The following CACNA1C variants were observed in gnomAD, a reference collection of about 807,000 sequenced individuals.
CACNA1C encodes voltage-dependent L-type calcium channel subunit alpha-1C.
Under a neutral mutation model 229.0 loss-of-function variants are expected in CACNA1C, and 30 were observed. That is an observed-to-expected ratio of 0.13 (90% confidence interval 0.10 to 0.18). The LOEUF is 0.18. Among genes scored for constraint, CACNA1C ranks in the 10% least tolerant of loss-of-function variants. The pLI is 1.00. For synonymous variants in CACNA1C, 1,114 were observed against 1,132.5 expected (o/e 0.98, Z 0.33); for missense variants, 1,658 against 2,845.0 (o/e 0.58, Z 9.49).
At chr12:2,292,573 C>T (rs1029425770) in intron 3 of CACNA1C, among the ~76,000 whole-genome samples, 1 of 152,200 alleles carries the variant, frequency 6.6e-6, no homozygotes, top group African/African-American at 2.4e-5. Flanking sequence ...TCAAACCTCT[C>T]TACAGCTTCA....
At chr12:2,259,962 G>A (rs1432031068) in intron 3 of CACNA1C, among the ~76,000 whole-genome samples, 1 of 152,042 alleles carries the variant, frequency 6.6e-6, no homozygotes, top group Non-Finnish European at 1.5e-5. Flanking sequence ...CCGCTTTCTT[G>A]GGTGTTCTCA....
At chr12:2,321,848 T>C (rs766405329) in intron 3 of CACNA1C, among the ~76,000 whole-genome samples, 7 of 152,182 alleles carry the variant, frequency 4.6e-5, no homozygotes, top group Non-Finnish European at 8.8e-5. Flanking sequence ...GATTATGTTG[T>C]GATGGCAACT....
chr12:2,583,727 A>G (rs1398255577), intron 15 of CACNA1C, among the ~76,000 whole-genome samples: 3 of 152,220 alleles, frequency 2.0e-5, no homozygotes, highest in African/African-American at 7.2e-5. Context: ...AACCTACTAC[A>G]TAAAGGGTCG....
intron 1 of CACNA1C, among the ~76,000 whole-genome samples, chr12:2,005,676 G>T (rs1033081479): frequency 6.6e-6 from 1 of 152,114 alleles, no homozygotes; most frequent in Non-Finnish European, 1.5e-5. Flanking sequence ...CTTGTATAAT[G>T]GAAAGTGTCA....
chr12:2,667,429 G>T (rs2096262937), intron 37 of CACNA1C, among the ~76,000 whole-genome samples: 1 of 152,062 alleles, frequency 6.6e-6, no homozygotes, highest in South Asian at 2.1e-4. Context: ...GGCTCTGTGA[G>T]AATCCACTCA....
intron 21 of CACNA1C, among the ~76,000 whole-genome samples, chr12:2,599,598 G>T (rs1179968162): frequency 6.6e-6 from 1 of 152,176 alleles, no homozygotes; most frequent in Non-Finnish European, 1.5e-5. Context: ...TACCCTTCCA[G>T]GCAGAGCTAG....
At chr12:2,682,017 G>A (rs1399041469) in intron 42 of CACNA1C, 1 of 1,611,066 alleles carries the variant, frequency 6.2e-7, no homozygotes, top group African/African-American at 1.3e-5. Context: ...AGGGACTCAG[G>A]CTCACTGCCT....
At chr12:2,247,229 T>C (rs1011892709) in intron 3 of CACNA1C, among the ~76,000 whole-genome samples, 5 of 152,204 alleles carry the variant, frequency 3.3e-5, no homozygotes, top group Non-Finnish European at 7.3e-5. Context: ...TCTCTCTATA[T>C]GGTCACAGTG....
At chr12:2,408,081 C>T (rs2098758651) in intron 3 of CACNA1C, among the ~76,000 whole-genome samples, 1 of 152,232 alleles carries the variant, frequency 6.6e-6, no homozygotes, top group South Asian at 2.1e-4. Flanking sequence ...GAATTTCCAA[C>T]ACACGCTACA....
chr12:2,668,854 T>C (rs1341505568), intron 37 of CACNA1C, 79 bp from the exon 38 acceptor site: 11 of 924,122 alleles, frequency 1.2e-5, no homozygotes, highest in Non-Finnish European at 2.0e-5. Flanking sequence ...AGCCAAACCA[T>C]ATCACTCTGC....
At chr12:2,259,032 T>A (rs908697470) in intron 3 of CACNA1C, among the ~76,000 whole-genome samples, 5 of 152,178 alleles carry the variant, frequency 3.3e-5, no homozygotes, top group Admixed American at 1.3e-4. Flanking sequence ...CCAAGGCCTT[T>A]TCATAAGTGG....
intron 3 of CACNA1C, among the ~76,000 whole-genome samples, chr12:2,169,065 C>T (rs1407871775): frequency 6.6e-6 from 1 of 152,190 alleles, no homozygotes; most frequent in Admixed American, 6.5e-5. Context: ...TTCAGCATGA[C>T]ACATTTTTCT....
intron 1 of CACNA1C, among the ~76,000 whole-genome samples, chr12:2,056,880 G>A (rs2055180811): frequency 6.6e-6 from 1 of 152,104 alleles, no homozygotes; most frequent in African/African-American, 2.4e-5. Flanking sequence ...GTATTTAAGT[G>A]TGTGTGTGTA....
At chr12:2,407,729 A>C (rs2098754857) in intron 3 of CACNA1C, among the ~76,000 whole-genome samples, 1 of 133,036 alleles carries the variant, frequency 7.5e-6, no homozygotes, top group South Asian at 2.4e-4. Context: ...AGTGGGAAGG[A>C]ATGTCCTTTT....
chr12:2,636,461 T>C (rs529278761), intron 30 of CACNA1C, among the ~76,000 whole-genome samples: 45 of 152,316 alleles, frequency 3.0e-4, no homozygotes, highest in Middle Eastern at 6.8e-3. Context: ...CCTGAACCCG[T>C]CCAGCAGCTC....
chr12:2,099,138 C>T (rs2075408495), intron 1 of CACNA1C, among the ~76,000 whole-genome samples: 1 of 152,214 alleles, frequency 6.6e-6, no homozygotes, highest in Non-Finnish European at 1.5e-5. Context: ...CCTGCTCATG[C>T]TTCATGGAGG....
intron 3 of CACNA1C, among the ~76,000 whole-genome samples, chr12:2,176,784 C>A (rs2096658776): frequency 2.0e-5 from 3 of 152,198 alleles, no homozygotes; most frequent in Admixed American, 2.0e-4. Flanking sequence ...AACTGGAATT[C>A]CATTTTATAC....
chr12:2,358,303 G>C (rs774455955), intron 3 of CACNA1C, among the ~76,000 whole-genome samples: 7,383 of 120,778 alleles, frequency 0.061, 305 homozygotes, highest in East Asian at 0.16. Context: ...GTGTGTGTGT[G>C]TGTGTCTCTT....
At chr12:2,546,458 T>C (rs1274585668) in intron 9 of CACNA1C, among the ~76,000 whole-genome samples, 1 of 152,212 alleles carries the variant, frequency 6.6e-6, no homozygotes, top group Non-Finnish European at 1.5e-5. Context: ...TGCTGGTGTC[T>C]TCACACTATT....
Sources: gnomAD v4.1 joint callset for allele counts (sites outside exome capture counted in the v4.1 genomes callset) on GRCh38, gnomAD v4.1.1 for gene constraint, MANE v1.5 for transcripts, NCBI Gene and HGNC (gene_info 2026-07-23, HGNC 2026-07-21) for gene names.